Variants in EXOC4 observed in about 807,000 individuals in gnomAD.
EXOC4 encodes SEC8-like 1.
EXOC4 carries 71 observed loss-of-function variants against 107.2 expected under a neutral mutation model. The ratio of observed to expected loss-of-function variants is 0.66; its 90% CI spans 0.55 to 0.81. EXOC4 has a LOEUF of 0.81. Ranked by LOEUF, EXOC4 falls within the 30% of genes least tolerant of loss-of-function variation. The pLI, the probability that EXOC4 is intolerant of heterozygous loss-of-function variation, is 0.00. For missense variants in EXOC4, 1,108 were observed against 1,189.6 expected, an observed-to-expected ratio of 0.93 and a Z score of 1.01; for synonymous variants, 456 against 441.2, an observed-to-expected ratio of 1.03 and a Z score of -0.42.
In EXOC4 at chr7:133,613,171, ACT is replaced by A. The variant is rs200051272; in HGVS notation, c.1418-16871_1418-16870del. The stretch of plus-strand genomic sequence containing the variant: ...TTTATCATTTATTAGAAAATATATG[ACT>A]CTATTATAAAATTTAAAATATATCA... On this transcript the variant is annotated intron_variant, in intron 9 of 17. Transcript: ENST00000253861. Among the ~76,000 whole-genome samples the A allele has an allele frequency of 3.8e-3, 578 of 152,240 alleles. 3 individuals carry two copies. The East Asian group carries it at 0.038, about 10-fold the overall frequency.
intron 10 of EXOC4, among the ~76,000 whole-genome samples, chr7:133,754,946 A>T (rs2151142704): frequency 6.6e-6 from 1 of 152,022 alleles, no homozygotes; most frequent in Non-Finnish European, 1.5e-5. Flanking sequence ...GTTGCTGGTC[A>T]GTGAATGCGT....
At chr7:133,451,105 C>T (rs565544669) in intron 7 of EXOC4, among the ~76,000 whole-genome samples, 2 of 152,268 alleles carry the variant, frequency 1.3e-5, no homozygotes, top group South Asian at 2.1e-4. Flanking sequence ...TGATGCAACA[C>T]AAACCATTCA....
intron 11 of EXOC4, among the ~76,000 whole-genome samples, chr7:133,854,265 G>A (rs977241875): frequency 6.6e-6 from 1 of 152,096 alleles, no homozygotes; most frequent in Non-Finnish European, 1.5e-5. Context: ...TGGGAATGAC[G>A]GACTCTGGGG....
intron 7 of EXOC4, among the ~76,000 whole-genome samples, chr7:133,403,557 T>G (rs1797142364): frequency 6.6e-6 from 1 of 152,216 alleles, no homozygotes; most frequent in Non-Finnish European, 1.5e-5. Context: ...TTTGCTTAAC[T>G]CAGTTTTGGG....
At chr7:133,551,813 G>A (rs1370185382) in intron 9 of EXOC4, 2 of 152,028 alleles carry the variant, frequency 1.3e-5, no homozygotes, top group African/African-American at 4.8e-5. Flanking sequence ...CGAAGTTTGG[G>A]ATGAGTTACT....
At chr7:133,398,558 A>G (rs551345098) in intron 7 of EXOC4, among the ~76,000 whole-genome samples, 1 of 152,326 alleles carries the variant, frequency 6.6e-6, no homozygotes, top group Non-Finnish European at 1.5e-5. Context: ...AATGTGGATT[A>G]GAGCACACAG....
chr7:133,303,507 A>G (rs933976825), intron 3 of EXOC4, among the ~76,000 whole-genome samples: 3 of 152,160 alleles, frequency 2.0e-5, no homozygotes, highest in Non-Finnish European at 4.4e-5. Context: ...ATTGACAACT[A>G]TTTTCTTTAA....
At chr7:133,521,780 C>G (rs545533095) in intron 9 of EXOC4, among the ~76,000 whole-genome samples, 2 of 151,804 alleles carry the variant, frequency 1.3e-5, no homozygotes, top group African/African-American at 4.8e-5. Context: ...CCACCACGCC[C>G]GGCTAATTTT....
At chr7:133,310,839 A>G (rs1794855067) in intron 4 of EXOC4, among the ~76,000 whole-genome samples, 1 of 152,156 alleles carries the variant, frequency 6.6e-6, no homozygotes, top group Non-Finnish European at 1.5e-5. Context: ...TTCAGCTTCC[A>G]TAGTAGGAAG....
chr7:133,328,151 C>G (rs1795292162), intron 5 of EXOC4, among the ~76,000 whole-genome samples: 1 of 152,078 alleles, frequency 6.6e-6, no homozygotes, highest in Non-Finnish European at 1.5e-5. Flanking sequence ...ATAGTTAGCT[C>G]TTCTTGTTGA....
intron 10 of EXOC4, among the ~76,000 whole-genome samples, chr7:133,717,211 G>A (rs1795015816): frequency 6.6e-6 from 1 of 152,158 alleles, no homozygotes; most frequent in South Asian, 2.1e-4. Context: ...CAGTGAAATT[G>A]CCTTTTGTGT....
chr7:133,845,661 C>T (rs1204613560), intron 11 of EXOC4, among the ~76,000 whole-genome samples: 1 of 152,062 alleles, frequency 6.6e-6, no homozygotes, highest in Non-Finnish European at 1.5e-5. Context: ...ATCTCACTCT[C>T]AGCTAGTGCA....
At chr7:133,857,188 A>T in intron 11 of EXOC4, among the ~76,000 whole-genome samples, 2 of 27,220 alleles carry the variant, frequency 7.3e-5, no homozygotes, top group African/African-American at 3.2e-4. Context: ...ATATATATAT[A>T]TATATATATA....
intron 10 of EXOC4, among the ~76,000 whole-genome samples, chr7:133,669,406 C>T (rs1180419935): frequency 6.6e-6 from 1 of 152,182 alleles, no homozygotes; most frequent in African/African-American, 2.4e-5. Flanking sequence ...GCTTTTTGGC[C>T]AGGCCAGGGC....
At chr7:133,761,382 A>C (rs1306778716) in intron 10 of EXOC4, among the ~76,000 whole-genome samples, 1 of 152,128 alleles carries the variant, frequency 6.6e-6, no homozygotes, top group Non-Finnish European at 1.5e-5. Context: ...GGTGCTTAAG[A>C]GCCTGCTTTG....
chr7:133,440,605 AGACCTTGTT>A (rs890516729), intron 7 of EXOC4, among the ~76,000 whole-genome samples: 4 of 152,224 alleles, frequency 2.6e-5, no homozygotes, highest in African/African-American at 9.6e-5. Flanking sequence ...CAGGTCATAA[AGACCTTGTT>A]GATAAAATAG....
intron 9 of EXOC4, among the ~76,000 whole-genome samples, chr7:133,554,187 A>T (rs976232399): frequency 6.6e-6 from 1 of 152,130 alleles, no homozygotes; most frequent in Non-Finnish European, 1.5e-5. Context: ...CCTATTCCTG[A>T]GACTATTAAA....
chr7:133,508,325 G>A (rs1403839688), intron 9 of EXOC4, among the ~76,000 whole-genome samples: 1 of 152,172 alleles, frequency 6.6e-6, no homozygotes, highest in Admixed American at 6.5e-5. Flanking sequence ...TTCTGACTCA[G>A]TAGGTCTGAG....
At chr7:133,434,504 A>G (rs1278763030) in intron 7 of EXOC4, among the ~76,000 whole-genome samples, 1 of 152,130 alleles carries the variant, frequency 6.6e-6, no homozygotes, top group Non-Finnish European at 1.5e-5. Flanking sequence ...TACAAACTTC[A>G]AAGCTCCCCT....
Sources: gnomAD v4.1 joint callset for allele counts (sites outside exome capture counted in the v4.1 genomes callset) on GRCh38, gnomAD v4.1.1 for gene constraint, MANE v1.5 for transcripts, NCBI Gene and HGNC (gene_info 2026-07-23, HGNC 2026-07-21) for gene names.